AHDC1: variants seen among roughly 807,000 people sequenced by gnomAD.
AHDC1 encodes transcription factor Gibbin.
AHDC1 carries 7 observed loss-of-function variants against 87.9 expected under a neutral mutation model. That is an observed-to-expected ratio of 0.08 (90% CI 0.05 to 0.15). The LOEUF (loss-of-function observed/expected upper bound fraction) is 0.15. Ranked by LOEUF, AHDC1 falls within the 10% of genes least tolerant of loss-of-function variation. The probability of loss-of-function intolerance (pLI) is 1.00; values close to 1 mark genes in which losing one functional copy is unlikely to be tolerated. For synonymous variants in AHDC1, 1,051 were observed against 1,006.8 expected, an observed-to-expected ratio of 1.04 and a Z score of -0.83; for missense variants, 1,841 against 2,253.2, an observed-to-expected ratio of 0.82 and a Z score of 3.70.
rs764507199 is a variant in AHDC1 at position 27,550,591 on chromosome 1, G to C, written c.1525C>G (p.Leu509Val). The C allele has an allele frequency of 1.9e-6, 3 of 1,613,686 alleles. No individual in the cohort carries two copies. In the African/African-American group the frequency reaches 4.0e-5, roughly 22 times the overall value. The change falls in exon 8 of 9, where the codon CTG (leucine) becomes GTG (valine). Residue 509 changes from leucine (L) to valine (V), a missense_variant. Physicochemically the swap from Leu to Val is conservative, Grantham distance 32. Coordinates refer to ENST00000673934, the MANE Select transcript of AHDC1 (RefSeq NM_001371928.1). The part of the protein sequence containing the change: ...SSSLSVEGKE[L>V]GLRVSAEPTP... ...GGCTCAGCCGACACGCGCAGGCCCA[G>C]CTCCTTGCCCTCCACGCTCAGGCTG...
Position 27,561,303 on chromosome 1 carries a change from G to A in AHDC1, c.-628-2420C>T, listed in dbSNP as rs1275072316. 6.6e-6 allele frequency among the ~76,000 whole-genome samples: 1 copy of A among 152,180 alleles called. No homozygotes were observed. The highest frequency in any genetic ancestry group is 1.9e-4 in the East Asian group (1 of 5,182). ...CTGTTCTCCTACATATGGTGGTGGTGGGTGGGAGGAGTCTGCATGGGGTCT... is the reference window on the plus strand; with the variant it reads ...CTGTTCTCCTACATATGGTGGTGGTAGGTGGGAGGAGTCTGCATGGGGTCT... On this transcript the variant is annotated intron_variant, in intron 3 of 8. Coordinates refer to ENST00000673934, the MANE Select transcript of AHDC1 (RefSeq NM_001371928.1). The surrounding 1 kb of genome is among the most constrained non-coding windows in gnomAD (Gnocchi z 4.2).
rs532946490 is a variant in AHDC1 at position 27,562,414 on chromosome 1, C to T, written c.-628-3531G>A. On this transcript the variant is annotated intron_variant, in intron 3 of 8. Transcript: ENST00000673934. The surrounding 1 kb of genome is among the most constrained non-coding windows in gnomAD (Gnocchi z 4.4). Reference sequence around the variant, plus strand: ...GGCTCCAGAGCCTTAATTAGTTTAACAGTTTCAGGGGCAGGAGAGGCAGGA... The same window carrying T: ...GGCTCCAGAGCCTTAATTAGTTTAATAGTTTCAGGGGCAGGAGAGGCAGGA... Among the ~76,000 whole-genome samples the T allele has an allele frequency of 1.4e-4, 21 of 152,236 alleles. No individual in the cohort carries two copies. The South Asian group carries it at 3.1e-3, about 23-fold the overall frequency.
Position 27,560,127 on chromosome 1 carries a change from G to C in AHDC1, c.-628-1244C>G, listed in dbSNP as rs902596801. Among the ~76,000 whole-genome samples, 1 of 152,176 alleles carries C rather than the reference G, an allele frequency of 6.6e-6. No individual in the cohort carries two copies. The highest frequency in any genetic ancestry group is 1.5e-5 in the Non-Finnish European group (1 of 68,024). On this transcript the variant is annotated intron_variant, in intron 3 of 8. Transcript: ENST00000673934. The surrounding 1 kb of genome is among the most constrained non-coding windows in gnomAD (Gnocchi z 4.1). Reference sequence around the variant, plus strand: ...GTGTGTATGTGTGATGCCAGCTTAAGTGTGTGCCTGGATTTGGTGTCTTCA... The same window carrying C: ...GTGTGTATGTGTGATGCCAGCTTAACTGTGTGCCTGGATTTGGTGTCTTCA...
chr1:27,558,645 C>A lies in AHDC1; in HGVS notation c.-451+61G>T. ...CTGTTGGGACTGGGAGGCAAGTTCCCCTGATCCCCACTTCCTGGGGGTGGC... is the reference window on the plus strand; with the variant it reads ...CTGTTGGGACTGGGAGGCAAGTTCCACTGATCCCCACTTCCTGGGGGTGGC... On this transcript the variant is annotated intron_variant, in intron 4 of 8. Transcript: ENST00000673934. The surrounding 1 kb of genome is among the most constrained non-coding windows in gnomAD (Gnocchi z 5.6). The A allele has an allele frequency of 2.5e-6, 1 of 398,230 alleles. No homozygotes were observed. The highest frequency in any genetic ancestry group is 4.4e-6 in the Non-Finnish European group (1 of 226,018). 24.7% of individuals were successfully genotyped at this position (398,230 alleles called of 1,614,324 possible).
chr1:27,545,527 T>C (rs1362920777), intron 8 of AHDC1, among the ~76,000 whole-genome samples: 2 of 151,752 alleles, frequency 1.3e-5, no homozygotes, highest in African/African-American at 4.8e-5. Context: ...ACCCAGAGCC[T>C]GGGAGGAACG....
chr1:27,536,368 AGAG>A (rs1257081381), intron 8 of AHDC1, among the ~76,000 whole-genome samples: 1 of 152,214 alleles, frequency 6.6e-6, no homozygotes, highest in African/African-American at 2.4e-5. Context: ...GAGGCATAGG[AGAG>A]GAGAAGAGCT....
rs937905285 is a variant in AHDC1, at chr1:27,598,075, C to A, written c.-629+5322G>T. ...GTCCTTCCAAGGGTGCCCACTCGCT[C>A]CCCAAGGCACCCTCCCCCAGGTCAG... On this transcript the variant is annotated intron_variant, in intron 3 of 8. Coordinates refer to ENST00000673934, the MANE Select transcript of AHDC1 (RefSeq NM_001371928.1). The surrounding 1 kb of genome is among the most constrained non-coding windows in gnomAD (Gnocchi z 4.2). 6.6e-6 allele frequency among the ~76,000 whole-genome samples: 1 copy of A among 152,190 alleles called. No homozygotes were observed. Among genetic ancestry groups the A allele is most frequent in the Admixed American group, 6.5e-5 (1 of 15,286 alleles).
chr1:27,602,458 G>A (rs972443444), intron 3 of AHDC1, among the ~76,000 whole-genome samples: 1 of 152,114 alleles, frequency 6.6e-6, no homozygotes, highest in Non-Finnish European at 1.5e-5. Flanking sequence ...CCAAACTCTG[G>A]GTTGCTGTCC....
chr1:27,551,787 C>G lies in AHDC1; in HGVS notation c.329G>C (p.Cys110Ser), dbSNP rs764886972. The G allele has an allele frequency of 4.3e-6, 7 of 1,613,288 alleles. No homozygotes were observed. In the South Asian group the frequency reaches 7.7e-5, roughly 18 times the overall value. ...CAGGTTCACCCGCCCGTTGTCCCAGCAGCGTCGGGAGCTGCTGCCGTCTCC... is the reference window on the plus strand; with the variant it reads ...CAGGTTCACCCGCCCGTTGTCCCAGGAGCGTCGGGAGCTGCTGCCGTCTCC... ...PVGDGSSSRR[C>S]WDNGRVNLRP... Residue 110 changes from cysteine to serine, a missense_variant, in exon 8 of 9, where the codon TGC becomes TCC. Physicochemically the swap from Cys to Ser is moderately radical, Grantham distance 112. Transcript: ENST00000673934.
intron 3 of AHDC1, among the ~76,000 whole-genome samples, chr1:27,579,457 C>T (rs1447444813): frequency 6.6e-6 from 1 of 152,188 alleles, no homozygotes; most frequent in Non-Finnish European, 1.5e-5. Context: ...GCTTTATACA[C>T]ACTATTTAGT....
intron 3 of AHDC1, among the ~76,000 whole-genome samples, chr1:27,580,336 G>A (rs1571315644): frequency 6.6e-6 from 1 of 152,278 alleles, no homozygotes; most frequent in Admixed American, 6.5e-5. Context: ...AGGCCAGGGG[G>A]CTCTAAATGA....
rs2020014083 is a variant in AHDC1 at position 27,560,275 on chromosome 1, T to G, written c.-628-1392A>C. ...GAGGACACAGGGGTGCATGTGTGCC[T>G]GTGTGTAGCCAGGTGAGCCCAGCTG... On this transcript the variant is annotated intron_variant, in intron 3 of 8. Coordinates refer to ENST00000673934, the MANE Select transcript of AHDC1 (RefSeq NM_001371928.1). This position sits in a 1 kb window ranked among gnomAD's most constrained non-coding sequence, Gnocchi z 4.1. Among the ~76,000 whole-genome samples, 1 of 152,064 alleles carries G rather than the reference T, an allele frequency of 6.6e-6. No homozygotes were observed.
Position 27,590,660 on chromosome 1 carries a change from C to A in AHDC1, c.-629+12737G>T, listed in dbSNP as rs906725968. Among the ~76,000 whole-genome samples the A allele has an allele frequency of 6.6e-6, 1 of 152,138 alleles. No individual in the cohort carries two copies. Among genetic ancestry groups the A allele is most frequent in the African/African-American group, 2.4e-5 (1 of 41,408 alleles). On this transcript the variant is annotated intron_variant, in intron 3 of 8. Coordinates refer to ENST00000673934, the MANE Select transcript of AHDC1 (RefSeq NM_001371928.1). The surrounding 1 kb of genome is among the most constrained non-coding windows in gnomAD (Gnocchi z 5.4). The stretch of plus-strand genomic sequence containing the variant: ...GTCTTAGCTCTCCTTCCTGGCTGGG[C>A]TGAGAGGCATCAGGAGAGGATTTAA...
chr1:27,591,639 G>A (rs1432252266), intron 3 of AHDC1, among the ~76,000 whole-genome samples: 1 of 152,200 alleles, frequency 6.6e-6, no homozygotes, highest in Non-Finnish European at 1.5e-5. Context: ...GTCCCTGAGA[G>A]AGGATCTGGA....
In AHDC1 at chr1:27,574,293, G is replaced by C. The variant is rs2088635358; in HGVS notation, c.-628-15410C>G. The stretch of plus-strand genomic sequence containing the variant: ...TTGGGAAGTGAAATCTCACAGGCTT[G>C]GTGCAGGGGAAGGGAATTCAAATGT... On this transcript the variant is annotated intron_variant, in intron 3 of 8. Transcript: ENST00000673934. 2.0e-5 allele frequency among the ~76,000 whole-genome samples: 3 copies of C among 152,184 alleles called. No individual in the cohort carries two copies. In the South Asian group the frequency reaches 6.2e-4, roughly 32 times the overall value.
intron 3 of AHDC1, among the ~76,000 whole-genome samples, chr1:27,559,166 C>A (rs1032706478): frequency 2.0e-5 from 3 of 152,164 alleles, no homozygotes. Flanking sequence ...ATCCTCCCAC[C>A]TCAGCCTCCC....
chr1:27,600,136 T>C (rs2089489917), intron 3 of AHDC1, among the ~76,000 whole-genome samples: 1 of 151,820 alleles, frequency 6.6e-6, no homozygotes, highest in African/African-American at 2.4e-5. Context: ...TTGGTCTCCA[T>C]CTTTCTCTCT....
intron 8 of AHDC1, among the ~76,000 whole-genome samples, chr1:27,541,435 C>T (rs2018914155): frequency 6.6e-6 from 1 of 151,978 alleles, no homozygotes; most frequent in Non-Finnish European, 1.5e-5. Context: ...TCTCCTGCCT[C>T]AGCCTCCCAC....
intron 5 of AHDC1, among the ~76,000 whole-genome samples, chr1:27,557,873 T>G (rs2019895387): frequency 6.6e-6 from 1 of 152,158 alleles, no homozygotes; most frequent in Non-Finnish European, 1.5e-5. Flanking sequence ...TCTTGTATAT[T>G]ACCCCATGTG....
Sources: gnomAD v4.1 joint callset for allele counts (sites outside exome capture counted in the v4.1 genomes callset) on GRCh38, gnomAD v4.1.1 for gene constraint, Gnocchi (gnomAD v3.1) non-coding constraint, MANE v1.5 for transcripts, NCBI Gene and HGNC (gene_info 2026-07-23, HGNC 2026-07-21) for gene names.